KRT74: variants seen among roughly 807,000 people sequenced by gnomAD.
The protein encoded by KRT74 is keratin 74.
KRT74 carries 43 observed loss-of-function variants against 42.7 expected under a neutral mutation model. That is an observed-to-expected ratio of 1.01 (90% CI 0.79 to 1.30). The LOEUF is 1.30. KRT74 is among the 50% of genes most tolerant of loss of function. The pLI is 0.00. For missense variants in KRT74, 736 were observed against 689.1 expected, an observed-to-expected ratio of 1.07 and a Z score of -0.76; for synonymous variants, 302 against 279.0, an observed-to-expected ratio of 1.08 and a Z score of -0.82.
rs1939527428 is a variant in KRT74, at chr12:52,573,522, C to T, written c.256G>A (p.Ala86Thr). 1 of 1,614,130 alleles carries T rather than the reference C, an allele frequency of 6.2e-7. No homozygotes were observed. Among genetic ancestry groups the T allele is most frequent in the Non-Finnish European group, 8.5e-7 (1 of 1,180,032 alleles). The change falls in exon 1 of 9, where the codon GCC becomes ACC. Residue 86 changes from alanine (A) to threonine (T), a missense_variant. Coordinates refer to ENST00000305620, the MANE Select transcript of KRT74 (RefSeq NM_175053.4). ...AACATACTGCCAGCAAAGCCACTGG[C>T]CCGGCCCCCTCCATACCCAGAGCCA... Reference protein sequence around the residue: ...RPGSGYGGGRASGFAGSMFGS... With the variant: ...RPGSGYGGGRTSGFAGSMFGS...
intron 1 of KRT74, 112 bp from the exon 2 acceptor site, chr12:52,572,779 C>T (rs1407232647): frequency 5.4e-6 from 5 of 925,816 alleles, no homozygotes; most frequent in Non-Finnish European, 8.7e-6. Flanking sequence ...CATTTTTGCT[C>T]ATGTCTTGAC....
At chr12:52,567,602 A>T in intron 8 of KRT74, 57 bp downstream of exon 8, 2 of 1,267,324 alleles carry the variant, frequency 1.6e-6, no homozygotes, top group Admixed American at 1.7e-5. Context: ...AGGTGACATC[A>T]CTTTGTCCCA....
At chr12:52,567,804 C>T (rs1372179064) in intron 7 of KRT74, 111 bp from the exon 8 acceptor site, 3 of 816,292 alleles carry the variant, frequency 3.7e-6, no homozygotes, top group East Asian at 2.5e-5. Context: ...CTTATAACAA[C>T]TTACGAAACT....
At chr12:52,572,695 A>T in intron 1 of KRT74, 28 bp from the exon 2 acceptor site, 1 of 1,601,734 alleles carries the variant, frequency 6.2e-7, no homozygotes, top group East Asian at 2.2e-5. Context: ...AGACACCTGG[A>T]ACCACAATGG....
chr12:52,571,913 A>T (rs1592213847), intron 3 of KRT74, 31 bp downstream of exon 3: 1 of 1,385,290 alleles, frequency 7.2e-7, no homozygotes, highest in Admixed American at 1.7e-5. Context: ...GGTGCGAGAG[A>T]CCCTAATAAG....
At position 52,567,156 on chromosome 12, in the gene KRT74, C is replaced by T; in HGVS notation, c.1403G>A (p.Ser468Asn). ...PSSVSISVIS[S>N]SSYSYHHPSS... Reference sequence around the variant, plus strand: ...GGGGTGGTGGTAGCTGTAGCTGCTACTGCTGATGACAGCTGAGGAGGAGGG... The same window carrying T: ...GGGGTGGTGGTAGCTGTAGCTGCTATTGCTGATGACAGCTGAGGAGGAGGG... The change falls in exon 9 of 9, where the codon AGT (serine) becomes AAT (asparagine). Residue 468 changes from serine (S) to asparagine (N), a missense_variant. By Grantham distance (46) the Ser-to-Asn change is conservative (BLOSUM62 1). Transcript: ENST00000305620. 6.3e-7 allele frequency: 1 copy of T among 1,599,564 alleles called. No homozygotes were observed. The highest frequency in any genetic ancestry group is 1.7e-4 in the Middle Eastern group (1 of 5,952).
At position 52,567,521 on chromosome 12, in the gene KRT74, A is replaced by T. The variant is rs76678410; in HGVS notation, c.1390+138T>A. On this transcript the variant is annotated intron_variant, in intron 8 of 8. Coordinates refer to ENST00000305620, the MANE Select transcript of KRT74 (RefSeq NM_175053.4). ...ATTTCACAGGATGAAAAGGGAGAACATTTCCTTTGAAGCCCAGAAACCTTC... is the reference window on the plus strand; with the variant it reads ...ATTTCACAGGATGAAAAGGGAGAACTTTTCCTTTGAAGCCCAGAAACCTTC... 0.038 allele frequency: 28,711 copies of T among 751,882 alleles called. 734 individuals are homozygous for T. The highest frequency in any genetic ancestry group is 0.048 in the Non-Finnish European group (19,718 of 413,568). 46.6% of individuals were successfully genotyped at this position (751,882 alleles called of 1,614,324 possible). A position where few individuals can be genotyped will look rare whatever the true frequency, so the allele number is the denominator to read the frequency against.
At chr12:52,573,247 G>T in intron 1 of KRT74, 60 bp downstream of exon 1, 2 of 1,506,968 alleles carry the variant, frequency 1.3e-6, no homozygotes, top group Non-Finnish European at 1.8e-6. Flanking sequence ...CCATTCCCAG[G>T]CAGCAGGAAA....
rs267607205 is a variant in KRT74 at position 52,573,334 on chromosome 12, G to A, written c.444C>T (p.Asn148=). 25 of 1,614,050 alleles carry A rather than the reference G, an allele frequency of 1.5e-5. No homozygotes were observed. Among genetic ancestry groups the A allele is most frequent in the South Asian group, 4.4e-5 (4 of 91,082 alleles). ...TGTCAATGAAGGAGGCGAACTTGTCGTTCAGCACCTTGATCTGTTCCCGCT... is the reference window on the plus strand; with the variant it reads ...TGTCAATGAAGGAGGCGAACTTGTCATTCAGCACCTTGATCTGTTCCCGCT... ...AQEREQIKVL[N]DKFASFIDKV... is the part of the protein sequence containing the mutation. Residue 148 remains asparagine, a synonymous_variant, in exon 1 of 9, where the codon AAC becomes AAT. Coordinates refer to ENST00000305620, the MANE Select transcript of KRT74 (RefSeq NM_175053.4).
rs1232076700 is a variant in KRT74, at chr12:52,569,922, C to G, written c.1071G>C (p.Glu357Asp). The G allele has an allele frequency of 6.2e-7, 1 of 1,614,196 alleles. No homozygotes were observed. The highest frequency in any genetic ancestry group is 1.1e-5 in the South Asian group (1 of 91,086). Residue 357 changes from glutamate to aspartate, a missense_variant, in exon 6 of 9, where the codon GAG (glutamate) becomes GAC (aspartate). Coordinates refer to ENST00000305620, the MANE Select transcript of KRT74 (RefSeq NM_175053.4). The stretch of plus-strand genomic sequence containing the variant: ...GGATGAGCCGGTTCAGCTCCACCAT[C>G]TCGCTCCTGGTGTGTTTCAGGTCGT... ...HGDDLKHTRS[E>D]MVELNRLIQR...
intron 7 of KRT74, 42 bp downstream of exon 7, chr12:52,568,127 C>T (rs764748486): frequency 9.9e-6 from 16 of 1,610,724 alleles, no homozygotes; most frequent in Non-Finnish European, 1.4e-5. Context: ...ACAGGAGCCA[C>T]ACCCCAGTCC....
chr12:52,567,573 G>A (rs961104285), intron 8 of KRT74, 86 bp downstream of exon 8: 68 of 968,270 alleles, frequency 7.0e-5, no homozygotes, highest in Non-Finnish European at 7.8e-5. Context: ...AGCTTCTTGG[G>A]AGGTGAGACA....
Position 52,571,468 on chromosome 12 carries a change from C to G in KRT74, c.748-14G>C. ...TGCATCTGCATCCTGCCAAGAGGCC[C>G]CAGAGTCATTGGGGGATGCAACCCT... On this transcript the variant is annotated splice_polypyrimidine_tract_variant and intron_variant, in intron 3 of 8. Transcript: ENST00000305620. The G allele has an allele frequency of 1.2e-6, 2 of 1,604,250 alleles. No homozygotes were observed. The highest frequency in any genetic ancestry group is 1.7e-6 in the Non-Finnish European group (2 of 1,171,110).
Position 52,565,934 on chromosome 12 carries a change from G to A in KRT74, c.*1035C>T, listed in dbSNP as rs1565606371. ...GACTAGGCAGTAGCACTCAGCGACA[G>A]AAAAGCCAGCTCCACTCACTGAGCT... On this transcript the variant is annotated 3_prime_UTR_variant, in exon 9 of 9. Transcript: ENST00000305620. 6.6e-6 allele frequency: 1 copy of A among 152,224 alleles called. No individual in the cohort carries two copies. The highest frequency in any genetic ancestry group is 1.5e-5 in the Non-Finnish European group (1 of 68,050). The allele number at this position is 152,224 out of a possible 1,614,324, so 9.4% of individuals were successfully genotyped here.
At position 52,572,592 on chromosome 12, in the gene KRT74, A is replaced by T; in HGVS notation, c.547T>A (p.Cys183Ser). ...AGGATGGGCTCCAGGTTCTTCTTGC[A>T]GTTGTTCAGGTCCAGCTGCTGCAGC... ...ELLQQLDLNNCKKNLEPILEG... is the reference protein window; with the variant it reads ...ELLQQLDLNNSKKNLEPILEG... The change falls in exon 2 of 9, where the codon TGC (cysteine) becomes AGC (serine). Residue 183 changes from cysteine to serine, a missense_variant. By Grantham distance (112) the Cys-to-Ser change is moderately radical. Transcript: ENST00000305620. The T allele has an allele frequency of 6.2e-7, 1 of 1,614,184 alleles. No individual in the cohort carries two copies. Among genetic ancestry groups the T allele is most frequent in the South Asian group, 1.1e-5 (1 of 91,078 alleles).
Position 52,566,656 on chromosome 12 carries a change from C to G in KRT74, c.*313G>C. ...CCTCCCCTGTCGTCTCCTGCTCCTT[C>G]CCTCTTTCTAGGGATGATCACAGCT... On this transcript the variant is annotated 3_prime_UTR_variant, in exon 9 of 9. Coordinates refer to ENST00000305620, the MANE Select transcript of KRT74 (RefSeq NM_175053.4). The G allele has an allele frequency of 3.2e-6, 1 of 315,086 alleles. No homozygotes were observed. Among genetic ancestry groups the G allele is most frequent in the Non-Finnish European group, 5.8e-6 (1 of 172,404 alleles). 19.5% of individuals were successfully genotyped at this position (315,086 alleles called of 1,614,324 possible).
chr12:52,568,994 G>A (rs1415089424), intron 6 of KRT74, among the ~76,000 whole-genome samples: 1 of 152,228 alleles, frequency 6.6e-6, no homozygotes, highest in African/African-American at 2.4e-5. Context: ...GTTGCTAACA[G>A]AGAGGGAGGA....
intron 6 of KRT74, among the ~76,000 whole-genome samples, chr12:52,569,010 G>T (rs1939427121): frequency 6.6e-6 from 1 of 152,212 alleles, no homozygotes; most frequent in African/African-American, 2.4e-5. Flanking sequence ...GAGGAACTAT[G>T]CTCATGGAAT....
Position 52,568,335 on chromosome 12 carries a change from G to C in KRT74, c.1189C>G (p.Leu397Val). 1 of 1,614,238 alleles carries C rather than the reference G, an allele frequency of 6.2e-7. No individual in the cohort carries two copies. Among genetic ancestry groups the C allele is most frequent in the Non-Finnish European group, 8.5e-7 (1 of 1,180,052 alleles). Residue 397 changes from leucine to valine, a missense_variant, in exon 7 of 9, where the codon CTG (leucine) becomes GTG (valine). Coordinates refer to ENST00000305620, the MANE Select transcript of KRT74 (RefSeq NM_175053.4). ...TCCAGCTTGGCCTGGGCATCCTTCA[G>C]GGCATTGTCTCCCCGCTGCTCAGCG... ...ADAEQRGDNALKDAQAKLDEL... is the reference protein window; with the variant it reads ...ADAEQRGDNAVKDAQAKLDEL...
Sources: gnomAD v4.1 joint callset for allele counts (sites outside exome capture counted in the v4.1 genomes callset) on GRCh38, gnomAD v4.1.1 for gene constraint, MANE v1.5 for transcripts, NCBI Gene and HGNC (gene_info 2026-07-23, HGNC 2026-07-21) for gene names.